Variants in MCPH1 observed in about 807,000 individuals in gnomAD.
MCPH1 encodes microcephalin.
MCPH1 carries 104 observed loss-of-function variants against 84.5 expected under a neutral mutation model. The observed-to-expected ratio is 1.23, with a 90% CI of 1.05 to 1.45. The LOEUF (loss-of-function observed/expected upper bound fraction) is 1.45, where lower values mean the gene tolerates loss of function less well. Ranked by LOEUF, MCPH1 falls within the 40% of genes most tolerant of loss-of-function variation. MCPH1 has a pLI of 0.00. For synonymous variants in MCPH1, 514 were observed against 366.8 expected (o/e 1.40, Z -4.58); for missense variants, 1,498 against 1,005.7 (o/e 1.49, Z -6.62).
At chr8:6,578,949 G>A (rs1827331596) in intron 12 of MCPH1, among the ~76,000 whole-genome samples, 1 of 152,124 alleles carries the variant, frequency 6.6e-6, no homozygotes, top group South Asian at 2.1e-4. Flanking sequence ...TTCATAAATG[G>A]CCTGGAAATC....
intron 9 of MCPH1, among the ~76,000 whole-genome samples, chr8:6,471,206 G>T (rs1470266681): frequency 6.6e-6 from 1 of 152,128 alleles, no homozygotes; most frequent in African/African-American, 2.4e-5. Flanking sequence ...AAAGGGCTTT[G>T]TAAGCGTTGG....
chr8:6,526,793 A>G (rs753904263), intron 12 of MCPH1, among the ~76,000 whole-genome samples: 3 of 152,216 alleles, frequency 2.0e-5, no homozygotes, highest in Non-Finnish European at 4.4e-5. Context: ...AAACAAGGAA[A>G]TAGGCACACC....
At chr8:6,519,900 G>A in intron 12 of MCPH1, 3 of 1,614,086 alleles carry the variant, frequency 1.9e-6, no homozygotes, top group Non-Finnish European at 2.5e-6. Flanking sequence ...ATGTTAACGT[G>A]TAGATGCCAT....
intron 12 of MCPH1, among the ~76,000 whole-genome samples, chr8:6,617,540 C>T (rs1314897952): frequency 1.3e-5 from 2 of 152,032 alleles, no homozygotes; most frequent in East Asian, 1.9e-4. Flanking sequence ...AACACGATGC[C>T]ACCGAGCCAT....
rs1267094846 is a variant in MCPH1, at chr8:6,645,609, A to G, written c.*2560A>G. 1.4e-5 allele frequency: 2 copies of G among 139,290 alleles called. No individual in the cohort carries two copies. The highest frequency in any genetic ancestry group is 4.8e-4 in the South Asian group (2 of 4,150). The allele number at this position is 139,290 out of a possible 1,614,324, so 8.6% of individuals were successfully genotyped here. ...TGTATAGAAATTGTAAGGAATGCAAAAAAAAAAAAAAAAAAAAGCCCTACA... is the reference window on the plus strand; with the variant it reads ...TGTATAGAAATTGTAAGGAATGCAAGAAAAAAAAAAAAAAAAAGCCCTACA... On this transcript the variant is annotated 3_prime_UTR_variant, in exon 14 of 14. Transcript: ENST00000344683.
At chr8:6,609,289 G>A (rs62496950) in intron 12 of MCPH1, among the ~76,000 whole-genome samples, 7 of 152,224 alleles carry the variant, frequency 4.6e-5, no homozygotes, top group Non-Finnish European at 8.8e-5. Context: ...GGGACCCAGA[G>A]CATGAGCGTG....
intron 3 of MCPH1, among the ~76,000 whole-genome samples, chr8:6,428,342 G>C (rs552589558): frequency 2.0e-5 from 3 of 152,128 alleles, no homozygotes; most frequent in Admixed American, 6.5e-5. Context: ...CTAGGCGATA[G>C]GAATTTTTCA....
chr8:6,580,858 T>G (rs1191530619), intron 12 of MCPH1, among the ~76,000 whole-genome samples: 2 of 152,200 alleles, frequency 1.3e-5, no homozygotes, highest in East Asian at 1.9e-4. Flanking sequence ...TTTTGTACAT[T>G]AAACGTTACT....
intron 8 of MCPH1, 35 bp from the exon 9 acceptor site, chr8:6,455,108 A>G: frequency 6.6e-7 from 1 of 1,517,932 alleles, no homozygotes; most frequent in Non-Finnish European, 9.2e-7. Context: ...GTCCATGTAA[A>G]GTTCTAACTA....
intron 12 of MCPH1, chr8:6,507,675 C>G (rs1410199475): frequency 6.8e-6 from 1 of 146,758 alleles, no homozygotes; most frequent in East Asian, 2.1e-4. Flanking sequence ...CTCCCAGGTT[C>G]AAGCCATTCT....
chr8:6,475,915 A>T (rs971842312), intron 9 of MCPH1, among the ~76,000 whole-genome samples: 8 of 152,166 alleles, frequency 5.3e-5, no homozygotes, highest in African/African-American at 1.9e-4. Context: ...CAGAAAGAGG[A>T]GGTGTATAAG....
At chr8:6,524,913 C>T (rs1053533079) in intron 12 of MCPH1, among the ~76,000 whole-genome samples, 2 of 152,234 alleles carry the variant, frequency 1.3e-5, no homozygotes, top group Non-Finnish European at 2.9e-5. Flanking sequence ...CTGGGAATCC[C>T]ACCTCTGCAC....
chr8:6,485,101 T>C (rs1296965768), intron 11 of MCPH1, among the ~76,000 whole-genome samples: 2 of 152,102 alleles, frequency 1.3e-5, no homozygotes, highest in Non-Finnish European at 2.9e-5. Flanking sequence ...CCGAGGCGTG[T>C]GGATCACGAG....
intron 9 of MCPH1, among the ~76,000 whole-genome samples, chr8:6,466,392 C>G (rs1806950866): frequency 6.6e-6 from 1 of 151,630 alleles, no homozygotes; most frequent in Non-Finnish European, 1.5e-5. Context: ...ACTGCAACCT[C>G]CACCTCCTGG....
chr8:6,472,447 G>A (rs1014460440), intron 9 of MCPH1, among the ~76,000 whole-genome samples: 5 of 152,138 alleles, frequency 3.3e-5, no homozygotes, highest in South Asian at 4.2e-4. Context: ...TATGTCTGGG[G>A]AATCTTAGAC....
chr8:6,586,304 G>A (rs942162230), intron 12 of MCPH1, among the ~76,000 whole-genome samples: 1 of 152,052 alleles, frequency 6.6e-6, no homozygotes, highest in Non-Finnish European at 1.5e-5. Flanking sequence ...ATACAGATGG[G>A]ACCAACTAAG....
chr8:6,569,322 C>G (rs1227336158), intron 12 of MCPH1, among the ~76,000 whole-genome samples: 2 of 152,194 alleles, frequency 1.3e-5, no homozygotes, highest in African/African-American at 4.8e-5. Context: ...TGTTTCGACT[C>G]CATTTTGATA....
intron 12 of MCPH1, among the ~76,000 whole-genome samples, chr8:6,517,908 G>C (rs936031952): frequency 3.3e-5 from 5 of 152,164 alleles, no homozygotes; most frequent in African/African-American, 1.2e-4. Context: ...TTCAAGATGA[G>C]AAAATTGAGG....
At chr8:6,479,918 T>TGAAAAGGGTCTTTTTTCCCCTCTTAGTAG (rs1196833675) in intron 10 of MCPH1, among the ~76,000 whole-genome samples, 3 of 152,156 alleles carry the variant, frequency 2.0e-5, no homozygotes, top group African/African-American at 7.2e-5. Context: ...GATGATTTAA[T>TGAAAAGGGTCTTTTTTCCCCTCTTAGTAG]AAAAAGGGTC....
Sources: allele counts gnomAD v4.1 joint callset (sites outside exome capture counted in the v4.1 genomes callset), GRCh38; gene constraint gnomAD v4.1.1; transcripts MANE v1.5; gene names NCBI Gene and HGNC (gene_info 2026-07-23, HGNC 2026-07-21).